PEG3: variants seen among roughly 807,000 people sequenced by gnomAD.
The protein encoded by PEG3 is paternally expressed 3.
Under a neutral mutation model 35.5 loss-of-function variants are expected in PEG3, and 23 were observed. The ratio of observed to expected loss-of-function variants is 0.65; its 90% CI spans 0.47 to 0.92. PEG3 has a LOEUF of 0.92. Among genes scored for constraint, PEG3 ranks in the 40% least tolerant of loss-of-function variants. The probability of loss-of-function intolerance (pLI) is 0.00; values close to 1 mark genes in which losing one functional copy is unlikely to be tolerated. For missense variants in PEG3, 1,960 were observed against 1,985.3 expected (o/e 0.99, Z 0.24); for synonymous variants, 707 against 697.0 (o/e 1.01, Z -0.23).
chr19:56,819,590 T>C (rs769835838), intron 7 of PEG3, among the ~76,000 whole-genome samples: 1 of 152,192 alleles, frequency 6.6e-6, no homozygotes, highest in African/African-American at 2.4e-5. Context: ...GACAGAGATC[T>C]GGGTCAAAGA....
At position 56,815,840 on chromosome 19, in the gene PEG3, G is replaced by A; in HGVS notation, c.2602C>T (p.Leu868Phe). 2 of 1,613,614 alleles carry A rather than the reference G, an allele frequency of 1.2e-6. No individual in the cohort carries two copies. Among genetic ancestry groups the A allele is most frequent in the Non-Finnish European group, 1.7e-6 (2 of 1,179,696 alleles). The change falls in exon 10 of 10, where the codon CTT (leucine) becomes TTT (phenylalanine). Residue 868 changes from leucine to phenylalanine, a missense_variant. Leu to Phe is a conservative substitution (Grantham distance 22). This residue lies in a region of PEG3 where 798 missense variants were observed against 782.4 expected (regional missense o/e 1.02). Transcript: ENST00000326441. ...KGESSIYISD[L>F]NDKRQKIPAR... Reference sequence around the variant, plus strand: ...GGAATCTTCTGTCGCTTATCATTAAGGTCTGAGATATAAATGGAGGATTCT... The same window carrying A: ...GGAATCTTCTGTCGCTTATCATTAAAGTCTGAGATATAAATGGAGGATTCT...
chr19:56,834,352 A>T (rs182530291), intron 2 of PEG3, among the ~76,000 whole-genome samples: 5 of 152,288 alleles, frequency 3.3e-5, no homozygotes, highest in Non-Finnish European at 7.4e-5. Flanking sequence ...TGGCTGTACC[A>T]GGCTATGTGA....
intron 5 of PEG3, among the ~76,000 whole-genome samples, chr19:56,823,176 T>C (rs2060666961): frequency 2.0e-5 from 3 of 152,136 alleles, no homozygotes; most frequent in Non-Finnish European, 4.4e-5. Flanking sequence ...CCCTACTGTC[T>C]GGCAGCCGAT....
intron 1 of PEG3, among the ~76,000 whole-genome samples, 173 bp downstream of exon 1, chr19:56,840,409 G>A (rs1346158889): frequency 6.6e-6 from 1 of 152,212 alleles, no homozygotes; most frequent in Non-Finnish European, 1.5e-5. Context: ...CCCACTCTCG[G>A]ACTGGGCAGC....
intron 7 of PEG3, among the ~76,000 whole-genome samples, chr19:56,820,663 A>G (rs2060401770): frequency 6.6e-6 from 1 of 152,150 alleles, no homozygotes; most frequent in South Asian, 2.1e-4. Context: ...TTTCCCTTCA[A>G]TCCAAATCAA....
chr19:56,820,978 C>T (rs1300831663), intron 7 of PEG3, among the ~76,000 whole-genome samples: 1 of 152,222 alleles, frequency 6.6e-6, no homozygotes, highest in Non-Finnish European at 1.5e-5. Flanking sequence ...GACCCCTCTC[C>T]TCCTTCCTAA....
rs746934903 is a variant in PEG3 at position 56,814,226 on chromosome 19, C to T, written c.4216G>A (p.Val1406Met). Residue 1406 changes from valine to methionine, a missense_variant, in exon 10 of 10, where the codon GTG (valine) becomes ATG (methionine). Around this residue, in one of 5 missense-constraint regions of PEG3, gnomAD observed 416 missense variants for 416.7 expected, o/e 1.00. Transcript: ENST00000326441. This position sits in a 1 kb window ranked among gnomAD's most constrained non-coding sequence, Gnocchi z 5.8. Reference protein sequence around the residue: ...EPEVEAAEPEVEAAEPEVEAA... With the variant: ...EPEVEAAEPEMEAAEPEVEAA... Reference sequence around the variant, plus strand: ...TCCACTTCTGGCTCAGCAGCCTCCACTTCTGGCTCGGCAGCCTCCACTTCT... The same window carrying T: ...TCCACTTCTGGCTCAGCAGCCTCCATTTCTGGCTCGGCAGCCTCCACTTCT... 6.2e-7 allele frequency: 1 copy of T among 1,613,148 alleles called. No individual in the cohort carries two copies. The highest frequency in any genetic ancestry group is 1.1e-5 in the South Asian group (1 of 91,066).
In PEG3 at chr19:56,814,417, A is replaced by G. The variant is rs2059789014; in HGVS notation, c.4025T>C (p.Ile1342Thr). 1 of 1,614,006 alleles carries G rather than the reference A, an allele frequency of 6.2e-7. No individual in the cohort carries two copies. Among genetic ancestry groups the G allele is most frequent in the Non-Finnish European group, 8.5e-7 (1 of 1,179,844 alleles). ...YECKDCGKSF[I>T]HSTVLTKHKE... Reference sequence around the variant, plus strand: ...ATGTTTAGTGAGGACTGTGCTATGAATAAAGGACTTACCACAATCCTTGCA... The same window carrying G: ...ATGTTTAGTGAGGACTGTGCTATGAGTAAAGGACTTACCACAATCCTTGCA... The change falls in exon 10 of 10, where the codon ATT (isoleucine) becomes ACT (threonine). Residue 1342 changes from isoleucine to threonine, a missense_variant. By Grantham distance (89) the Ile-to-Thr change is moderately conservative (BLOSUM62 -1). This residue lies in a region of PEG3 where 416 missense variants were observed against 416.7 expected (regional missense o/e 1.00). Transcript: ENST00000326441. The surrounding 1 kb of genome is among the most constrained non-coding windows in gnomAD (Gnocchi z 5.8).
intron 2 of PEG3, among the ~76,000 whole-genome samples, chr19:56,830,531 C>T (rs2061477159): frequency 6.6e-6 from 1 of 152,142 alleles, no homozygotes; most frequent in Non-Finnish European, 1.5e-5. Context: ...GAAGTGGGGA[C>T]AAGGAAGGGA....
In PEG3 at chr19:56,816,306, G is replaced by A. The variant is rs1026389646; in HGVS notation, c.2136C>T (p.Leu712=). The change falls in exon 10 of 10, where the codon CTC becomes CTT. Residue 712 remains leucine, a synonymous_variant. Coordinates refer to ENST00000326441, the MANE Select transcript of PEG3 (RefSeq NM_006210.3). ...ATTTCTCATACCCTCTGCCTTCAAA[G>A]AGGTTCTTTCGAGAATGAATTTTCT... ...EHQKIHSRKN[L]FEGRGYEKSV... 4.3e-6 allele frequency: 7 copies of A among 1,614,020 alleles called. No homozygotes were observed. The highest frequency in any genetic ancestry group is 1.3e-5 in the African/African-American group (1 of 74,932).
Position 56,812,587 on chromosome 19 carries a change from T to C in PEG3, c.*1088A>G, listed in dbSNP as rs1233248283. 9.1e-6 allele frequency: 9 copies of C among 985,706 alleles called. No homozygotes were observed. The highest frequency in any genetic ancestry group is 4.7e-5 in the South Asian group (1 of 21,290). The allele number at this position is 985,706 out of a possible 1,614,324, so 61.1% of individuals were successfully genotyped here. A position where few individuals can be genotyped will look rare whatever the true frequency, so the allele number is the denominator to read the frequency against. The stretch of plus-strand genomic sequence containing the variant: ...TGCTGCACAGGGGACCCAAGCCATG[T>C]TGCTACTTGTCACTTAAGGCAGGAA... On this transcript the variant is annotated 3_prime_UTR_variant, in exon 10 of 10. Coordinates refer to ENST00000326441, the MANE Select transcript of PEG3 (RefSeq NM_006210.3).
intron 3 of PEG3, among the ~76,000 whole-genome samples, chr19:56,825,927 G>A (rs1215711043): frequency 2.6e-5 from 4 of 152,084 alleles, no homozygotes; most frequent in East Asian, 1.9e-4. Flanking sequence ...ATGTTTACTC[G>A]TCTCAGTGAT....
At chr19:56,833,268 C>CA (rs1489111781) in intron 2 of PEG3, 8 of 459,788 alleles carry the variant, frequency 1.7e-5, no homozygotes, top group Non-Finnish European at 3.5e-5. Context: ...CTAGATTCAG[C>CA]CCCCTAACTC....
chr19:56,817,664 T>C, intron 9 of PEG3, 82 bp downstream of exon 9: 1 of 1,527,130 alleles, frequency 6.5e-7, no homozygotes, highest in Non-Finnish European at 9.1e-7. Context: ...TTCTGTGATG[T>C]TTAGGAATGC....
chr19:56,837,172 T>G (rs1431694820), intron 1 of PEG3, among the ~76,000 whole-genome samples: 2 of 152,050 alleles, frequency 1.3e-5, no homozygotes, highest in Non-Finnish European at 2.9e-5. Context: ...GAACTAAGCT[T>G]TGGAAGCTGG....
chr19:56,837,978 C>T (rs1163667272), intron 1 of PEG3, among the ~76,000 whole-genome samples: 2 of 152,310 alleles, frequency 1.3e-5, no homozygotes, highest in Admixed American at 6.5e-5. Flanking sequence ...ATGCTATGGC[C>T]CCCCTCAGTC....
rs574089044 is a variant in PEG3 at position 56,824,608 on chromosome 19, C to T, written c.48G>A (p.Trp16Ter). The change falls in exon 4 of 10, where the codon TGG becomes TGA. Residue 16 changes from tryptophan (W) to a stop codon, truncating the protein, a stop_gained. Transcript: ENST00000326441. LOFTEE classifies it high-confidence loss of function. ...TGTCTAGCTCATACAGATTTGGGGC[C>T]CAGGACTTCTTAGGTTTGGTGGCAG... is the stretch of plus-strand genomic sequence containing the variant. ...HLSATKPKKS[W>*]APNLYELDSD... 650 of 1,609,906 alleles carry T rather than the reference C, an allele frequency of 4.0e-4. 5 individuals carry two copies. The African/African-American group carries it at 7.0e-3, about 17-fold the overall frequency.
At chr19:56,832,402 G>C (rs758819985) in intron 2 of PEG3, among the ~76,000 whole-genome samples, 3 of 152,158 alleles carry the variant, frequency 2.0e-5, no homozygotes, top group Middle Eastern at 3.4e-3. Context: ...CACGCATCAA[G>C]CTCCACACCC....
chr19:56,815,587 A>G lies in PEG3; in HGVS notation c.2855T>C (p.Ile952Thr). The G allele has an allele frequency of 1.2e-6, 2 of 1,614,142 alleles. No homozygotes were observed. The highest frequency in any genetic ancestry group is 1.7e-6 in the Non-Finnish European group (2 of 1,179,970). Residue 952 changes from isoleucine (I) to threonine (T), a missense_variant, in exon 10 of 10, where the codon ATT becomes ACT. Ile to Thr is a moderately conservative substitution (Grantham distance 89). Coordinates refer to ENST00000326441, the MANE Select transcript of PEG3 (RefSeq NM_006210.3). ...TTGTTCACCAAAAGGCAGAGAGTGA[A>G]TTACAGAGGTCTCATTGCTCCTATG... ...IEHRSNETSV[I>T]HSLPFGEQTF...
Sources: gnomAD v4.1 joint callset for allele counts (sites outside exome capture counted in the v4.1 genomes callset) on GRCh38, gnomAD v4.1.1 for gene constraint, gnomAD v4.1.1 regional missense constraint, Gnocchi (gnomAD v3.1) non-coding constraint, MANE v1.5 for transcripts, NCBI Gene and HGNC (gene_info 2026-07-23, HGNC 2026-07-21) for gene names.